The following DRC9 variants were observed in gnomAD, a reference collection of about 807,000 sequenced individuals.
DRC9 encodes the protein dynein regulatory complex protein 9.
the DRC9 span, among the ~76,000 whole-genome samples, chr3:197,942,812 G>T: frequency 1.3e-5 from 2 of 151,244 alleles, no homozygotes; most frequent in African/African-American, 4.9e-5. Flanking sequence ...GGAGACTGAG[G>T]CAGGAGAACT....
the DRC9 span, chr3:197,913,791 T>C: frequency 2.3e-6 from 3 of 1,320,284 alleles, no homozygotes; most frequent in African/African-American, 4.3e-5. Context: ...AGGGAAATCT[T>C]TGTCTCCCTC....
chr3:197,950,990 A>G, the DRC9 span: 1 of 1,613,434 alleles, frequency 6.2e-7, no homozygotes, highest in East Asian at 2.2e-5. Flanking sequence ...TACGCGTTTT[A>G]AATATAGTTC....
At chr3:197,915,909 G>A in the DRC9 span, among the ~76,000 whole-genome samples, 4 of 152,016 alleles carry the variant, frequency 2.6e-5, no homozygotes, top group East Asian at 1.9e-4. Context: ...GATTACAGGC[G>A]TGAGCCACCA....
the DRC9 span, among the ~76,000 whole-genome samples, chr3:197,900,476 A>G: frequency 6.6e-6 from 1 of 152,058 alleles, no homozygotes; most frequent in African/African-American, 2.4e-5. The surrounding 1 kb of genome is among the most constrained non-coding windows in gnomAD (Gnocchi z 4.7). Flanking sequence ...CCACAGCAGA[A>G]CAAGGCACTG....
the DRC9 span, among the ~76,000 whole-genome samples, chr3:197,912,095 C>T: frequency 3.4e-4 from 52 of 151,656 alleles, no homozygotes; most frequent in African/African-American, 1.2e-3. Context: ...GGCTGGAGTA[C>T]GGTGGCGTGA....
the DRC9 span, among the ~76,000 whole-genome samples, chr3:197,932,508 G>T: frequency 6.6e-6 from 1 of 151,758 alleles, no homozygotes; most frequent in African/African-American, 2.4e-5. Flanking sequence ...GGTGGCAGGT[G>T]TCTGTAATCC....
chr3:197,955,983 A>T, the DRC9 span: 1 of 562,212 alleles, frequency 1.8e-6, no homozygotes, highest in Non-Finnish European at 3.2e-6. Flanking sequence ...TAATGCGAGT[A>T]TCTTTGACAG....
At chr3:197,902,351 T>C in the DRC9 span, among the ~76,000 whole-genome samples, 2 of 152,090 alleles carry the variant, frequency 1.3e-5, no homozygotes, top group African/African-American at 4.8e-5. Flanking sequence ...CAGGAAAACA[T>C]GACCTCACCA....
At chr3:197,898,496 AAGC>A in the DRC9 span, among the ~76,000 whole-genome samples, 1 of 152,240 alleles carries the variant, frequency 6.6e-6, no homozygotes, top group South Asian at 2.1e-4. Flanking sequence ...GGTAGAGAAA[AAGC>A]AGATTTGCTC....
the DRC9 span, chr3:197,950,102 G>A: frequency 8.1e-7 from 1 of 1,230,440 alleles, no homozygotes; most frequent in Non-Finnish European, 1.0e-6. Flanking sequence ...TCCGAGGATT[G>A]TTTTTCTGGC....
chr3:197,955,717 C>G, the DRC9 span: 1 of 1,554,216 alleles, frequency 6.4e-7, no homozygotes. Context: ...ATATAACATT[C>G]ACCTAATGTT....
the DRC9 span, among the ~76,000 whole-genome samples, chr3:197,903,350 A>T: frequency 6.6e-6 from 1 of 152,222 alleles, no homozygotes; most frequent in Admixed American, 6.5e-5. Context: ...TATCAAGTTA[A>T]AAAGCTTCTG....
chr3:197,948,052 C>T, the DRC9 span, among the ~76,000 whole-genome samples: 4 of 151,240 alleles, frequency 2.6e-5, no homozygotes, highest in African/African-American at 9.7e-5. Flanking sequence ...TGTACCTCAG[C>T]CTCCCAAGTA....
At chr3:197,906,477 GAAAAC>G in the DRC9 span, 2 of 150,408 alleles carry the variant, frequency 1.3e-5, no homozygotes, top group African/African-American at 2.5e-5. Flanking sequence ...TCCAGATTAG[GAAAAC>G]AAAACAAAAC....
At chr3:197,940,327 T>A in the DRC9 span, among the ~76,000 whole-genome samples, 1 of 148,562 alleles carries the variant, frequency 6.7e-6, no homozygotes, top group South Asian at 2.1e-4. Context: ...ATATATATAA[T>A]AATATATTTT....
the DRC9 span, among the ~76,000 whole-genome samples, chr3:197,946,252 G>A: frequency 6.6e-3 from 1,005 of 151,848 alleles, 6 homozygotes; most frequent in African/African-American, 0.019. Context: ...TGGCTAACAC[G>A]GTGAAACCCC....
At chr3:197,925,978 G>T in the DRC9 span, 2 of 941,430 alleles carry the variant, frequency 2.1e-6, no homozygotes, top group Non-Finnish European at 3.5e-6. Context: ...ATATTTAATA[G>T]CTGTGTTAGC....
At chr3:197,943,738 AAAAT>A in the DRC9 span, 1 of 1,568,990 alleles carries the variant, frequency 6.4e-7, no homozygotes, top group Non-Finnish European at 8.7e-7. Context: ...GGAGAAATAA[AAAAT>A]AAAGCAAAAT....
the DRC9 span, among the ~76,000 whole-genome samples, chr3:197,915,442 A>G: frequency 6.6e-6 from 1 of 152,124 alleles, no homozygotes; most frequent in Non-Finnish European, 1.5e-5. Flanking sequence ...TCCAACTGTC[A>G]TGGGAATCCT....
Sources: gnomAD v4.1 joint callset for allele counts (sites outside exome capture counted in the v4.1 genomes callset) on GRCh38, gnomAD v4.1.1 for gene constraint, Gnocchi (gnomAD v3.1) non-coding constraint, MANE v1.5 for transcripts, NCBI Gene and HGNC (gene_info 2026-07-23, HGNC 2026-07-21) for gene names.